Variants in LYRM7 observed in about 807,000 individuals in gnomAD.
LYRM7 encodes complex III assembly factor LYRM7.
In LYRM7, 9 loss-of-function variants were observed where a neutral mutation model predicts 15.8. The ratio of observed to expected loss-of-function variants is 0.57; its 90% CI spans 0.34 to 0.99. The LOEUF is 0.99. Among genes scored for constraint, LYRM7 ranks in the 50% least tolerant of loss-of-function variants. LYRM7 has a pLI of 0.02. For missense variants in LYRM7, 115 were observed against 119.1 expected, an observed-to-expected ratio of 0.97 and a Z score of 0.16; for synonymous variants, 39 against 39.4, an observed-to-expected ratio of 0.99 and a Z score of 0.04.
intron 4 of LYRM7, among the ~76,000 whole-genome samples, chr5:131,189,296 A>G (rs969004507): frequency 6.6e-6 from 1 of 151,848 alleles, no homozygotes; most frequent in Non-Finnish European, 1.5e-5. Flanking sequence ...ACAAAAAATT[A>G]GCCAGGCATG....
intron 4 of LYRM7, among the ~76,000 whole-genome samples, chr5:131,188,734 T>G (rs1416103112): frequency 6.6e-6 from 1 of 152,186 alleles, no homozygotes; most frequent in Non-Finnish European, 1.5e-5. Flanking sequence ...CTGTGAGAAG[T>G]TCTTAATGTA....
chr5:131,179,897 C>T (rs1400180732), intron 1 of LYRM7, among the ~76,000 whole-genome samples, 198 bp from the exon 2 acceptor site: 1 of 152,066 alleles, frequency 6.6e-6, no homozygotes, highest in African/African-American at 2.4e-5. Flanking sequence ...GATCACACCA[C>T]TGCACTCCAG....
intron 3 of LYRM7, among the ~76,000 whole-genome samples, chr5:131,184,839 T>C (rs1220188288): frequency 1.3e-5 from 2 of 152,140 alleles, no homozygotes; most frequent in African/African-American, 2.4e-5. Flanking sequence ...TGTCAGGAGA[T>C]GAGGCTTTGC....
In LYRM7 at chr5:131,202,746, A is replaced by G. The variant is rs1355247746; in HGVS notation, c.*3145A>G. The stretch of plus-strand genomic sequence containing the variant: ...TATTCACACAAGGGGTTGCCCAAAT[A>G]TAATTTTGCTTTGACTATTGAGATC... On this transcript the variant is annotated 3_prime_UTR_variant, in exon 5 of 5. Transcript: ENST00000379380. The G allele has an allele frequency of 6.6e-6, 1 of 152,296 alleles. No homozygotes were observed. The highest frequency in any genetic ancestry group is 2.4e-5 in the African/African-American group (1 of 41,436). 9.4% of individuals were successfully genotyped at this position (152,296 alleles called of 1,614,324 possible). A position where few individuals can be genotyped will look rare whatever the true frequency, so the allele number is the denominator to read the frequency against.
In LYRM7 at chr5:131,193,100, C is replaced by T. The variant is rs1170099608; in HGVS notation, c.244+5991C>T. On this transcript the variant is annotated intron_variant, in intron 4 of 4. Transcript: ENST00000379380. The stretch of plus-strand genomic sequence containing the variant: ...AAATAGGGATGTACTTCTAAACGAA[C>T]GATACAGTTAAAAAAACAAAAAGCT... Among the ~76,000 whole-genome samples the T allele has an allele frequency of 3.9e-5, 6 of 152,134 alleles. No individual in the cohort carries two copies. The South Asian group carries it at 1.0e-3, about 26-fold the overall frequency.
intron 1 of LYRM7, 24 bp downstream of exon 1, chr5:131,171,062 G>T (rs1478808414): frequency 2.0e-6 from 3 of 1,517,146 alleles, no homozygotes; most frequent in Admixed American, 2.7e-5. Flanking sequence ...GGAAGGGGTG[G>T]GTACGATGCC....
At chr5:131,193,894 A>G (rs1237190945) in intron 4 of LYRM7, among the ~76,000 whole-genome samples, 1 of 152,100 alleles carries the variant, frequency 6.6e-6, no homozygotes, top group African/African-American at 2.4e-5. Context: ...TTGTAGTCCC[A>G]GCTACTCAGG....
chr5:131,190,649 C>A (rs1755871531), intron 4 of LYRM7, among the ~76,000 whole-genome samples: 1 of 151,984 alleles, frequency 6.6e-6, no homozygotes, highest in Non-Finnish European at 1.5e-5. Flanking sequence ...TGCCACCACG[C>A]CCAGCTAATT....
At chr5:131,182,957 A>C (rs1318514551) in intron 3 of LYRM7, among the ~76,000 whole-genome samples, 1 of 152,218 alleles carries the variant, frequency 6.6e-6, no homozygotes, top group Non-Finnish European at 1.5e-5. Flanking sequence ...GGAAGAAAAC[A>C]AAACAAAAAA....
rs1347975947 is a variant in LYRM7, at chr5:131,202,364, C to T, written c.*2763C>T. ...GCAAAATTAGCAGGACATGGTGATACACACCTGTAATCCCAGCTAGTCAGG... is the reference window on the plus strand; with the variant it reads ...GCAAAATTAGCAGGACATGGTGATATACACCTGTAATCCCAGCTAGTCAGG... On this transcript the variant is annotated 3_prime_UTR_variant, in exon 5 of 5. Coordinates refer to ENST00000379380, the MANE Select transcript of LYRM7 (RefSeq NM_181705.4). The T allele has an allele frequency of 2.6e-5, 4 of 152,116 alleles. No homozygotes were observed. Among genetic ancestry groups the T allele is most frequent in the African/African-American group, 7.2e-5 (3 of 41,414 alleles). 9.4% of individuals were successfully genotyped at this position (152,116 alleles called of 1,614,324 possible). A position where few individuals can be genotyped will look rare whatever the true frequency, so the allele number is the denominator to read the frequency against.
intron 4 of LYRM7, among the ~76,000 whole-genome samples, chr5:131,198,805 A>G (rs183596092): frequency 6.6e-6 from 1 of 151,876 alleles, no homozygotes; most frequent in East Asian, 1.9e-4. Flanking sequence ...TCTAGACCTC[A>G]AATGATCATC....
chr5:131,176,517 T>TG (rs1268188811), intron 1 of LYRM7, among the ~76,000 whole-genome samples: 4 of 128,264 alleles, frequency 3.1e-5, no homozygotes, highest in African/African-American at 1.8e-4. Flanking sequence ...TGGCCATTTA[T>TG]GGGTTTTTTT....
At chr5:131,189,287 C>A (rs1405340460) in intron 4 of LYRM7, among the ~76,000 whole-genome samples, 1 of 146,584 alleles carries the variant, frequency 6.8e-6, no homozygotes, top group Non-Finnish European at 1.5e-5. Context: ...ACTAAAAATA[C>A]AAAAAATTAG....
intron 4 of LYRM7, among the ~76,000 whole-genome samples, chr5:131,196,240 G>A (rs1315204143): frequency 6.6e-6 from 1 of 151,662 alleles, no homozygotes; most frequent in Non-Finnish European, 1.5e-5. Flanking sequence ...GAATAGCTGG[G>A]ACTACCGCTC....
rs1249569089 is a variant in LYRM7 at position 131,204,398 on chromosome 5, G to A, written c.*4797G>A. ...AAACAGACTGAGTTTCCAAAGTTAG[G>A]GTACAATGAAAGAAAAGGTGGCTTA... On this transcript the variant is annotated 3_prime_UTR_variant, in exon 5 of 5. Transcript: ENST00000379380. 3.4e-5 allele frequency: 5 copies of A among 148,694 alleles called. No homozygotes were observed. Among genetic ancestry groups the A allele is most frequent in the African/African-American group, 1.2e-4 (5 of 40,644 alleles). 9.2% of individuals were successfully genotyped at this position (148,694 alleles called of 1,614,324 possible). A position where few individuals can be genotyped will look rare whatever the true frequency, so the allele number is the denominator to read the frequency against.
intron 4 of LYRM7, among the ~76,000 whole-genome samples, chr5:131,187,540 A>T (rs927865058): frequency 3.3e-5 from 5 of 151,178 alleles, no homozygotes; most frequent in Non-Finnish European, 5.9e-5. Context: ...GCTGGAGTGC[A>T]GTAGTGCGAT....
intron 2 of LYRM7, among the ~76,000 whole-genome samples, chr5:131,181,416 TTTATATATATATAACATATATATG>T (rs1561544485): frequency 0.025 from 2,826 of 113,006 alleles, 205 homozygotes; most frequent in African/African-American, 0.11. Flanking sequence ...CATATATATG[TTTATATATATATAACATATATATG>T]TATATATATA....
At chr5:131,184,735 CT>C (rs1178299813) in intron 3 of LYRM7, among the ~76,000 whole-genome samples, 5 of 151,928 alleles carry the variant, frequency 3.3e-5, no homozygotes, top group Non-Finnish European at 5.9e-5. Context: ...TGTTTCCAGC[CT>C]TATATCTAGG....
At chr5:131,188,725 T>C (rs1755835783) in intron 4 of LYRM7, among the ~76,000 whole-genome samples, 1 of 152,220 alleles carries the variant, frequency 6.6e-6, no homozygotes, top group Non-Finnish European at 1.5e-5. Context: ...GTTATCTTTC[T>C]GTGAGAAGTT....
Sources: allele counts gnomAD v4.1 joint callset (sites outside exome capture counted in the v4.1 genomes callset), GRCh38; gene constraint gnomAD v4.1.1; transcripts MANE v1.5; gene names NCBI Gene and HGNC (gene_info 2026-07-23, HGNC 2026-07-21).